The following MEIOSIN variants were observed in gnomAD, a reference collection of about 807,000 sequenced individuals.
MEIOSIN encodes meiosis initiator protein.
Under a neutral mutation model 23.4 loss-of-function variants are expected in MEIOSIN, and 18 were observed. The ratio of observed to expected loss-of-function variants is 0.77; its 90% CI spans 0.53 to 1.14. MEIOSIN has a LOEUF of 1.14. MEIOSIN is among the 50% of genes most tolerant of loss of function. The pLI is 0.00. For missense variants in MEIOSIN, 428 were observed against 242.9 expected (o/e 1.76, Z -5.07); for synonymous variants, 187 against 100.6 (o/e 1.86, Z -5.14).
At chr19:45,750,365 T>TCTTTC (rs201503492) in intron 4 of MEIOSIN, among the ~76,000 whole-genome samples, 1 of 141,872 alleles carries the variant, frequency 7.0e-6, no homozygotes, top group Non-Finnish European at 1.5e-5. Flanking sequence ...TTTTTCTTTT[T>TCTTTC]TTTTTTTTTT....
At chr19:45,757,755 C>G (rs963014181) in intron 9 of MEIOSIN, among the ~76,000 whole-genome samples, 1 of 151,794 alleles carries the variant, frequency 6.6e-6, no homozygotes, top group Non-Finnish European at 1.5e-5. Flanking sequence ...TCCTGACCTA[C>G]GGTGATCTGC....
At chr19:45,736,503 C>T (rs1026116962) in intron 2 of MEIOSIN, among the ~76,000 whole-genome samples, 12 of 152,180 alleles carry the variant, frequency 7.9e-5, no homozygotes, top group Admixed American at 1.3e-4. Context: ...GCTGGGATTA[C>T]AGGTGCCCAC....
chr19:45,745,266 A>G lies in MEIOSIN; in HGVS notation c.251A>G (p.Glu84Gly). Reference protein sequence around the residue: ...QRKNHTSKLQELALLLPIALK... With the variant: ...QRKNHTSKLQGLALLLPIALK... ...AAAAACCACACTAGCAAGCTGCAAG[A>G]GTTGGCACTGCTGCTGCCCATAGCC... Residue 84 changes from glutamate (E) to glycine (G), a missense_variant, in exon 4 of 15, where the codon GAG becomes GGG. Transcript: ENST00000457052. The G allele has an allele frequency of 1.4e-6, 1 of 703,026 alleles. No individual in the cohort carries two copies. Among genetic ancestry groups the G allele is most frequent in the Non-Finnish European group, 2.6e-6 (1 of 385,012 alleles). The allele number at this position is 703,026 out of a possible 1,614,324, so 43.5% of individuals were successfully genotyped here.
At chr19:45,756,251 C>T (rs1312828592) in intron 8 of MEIOSIN, among the ~76,000 whole-genome samples, 173 bp downstream of exon 8, 1 of 152,220 alleles carries the variant, frequency 6.6e-6, no homozygotes, top group African/African-American at 2.4e-5. Flanking sequence ...CCTGACTTCC[C>T]ATTTCCCAGA....
chr19:45,741,556 A>G (rs901869596), intron 3 of MEIOSIN, among the ~76,000 whole-genome samples: 1 of 152,154 alleles, frequency 6.6e-6, no homozygotes, highest in African/African-American at 2.4e-5. Context: ...GCAATAAATA[A>G]GACAAAAATT....
chr19:45,754,650 G>A lies in MEIOSIN; in HGVS notation c.728G>A (p.Gly243Asp). 2 of 703,088 alleles carry A rather than the reference G, an allele frequency of 2.8e-6. No homozygotes were observed. The highest frequency in any genetic ancestry group is 4.6e-4 in the Middle Eastern group (2 of 4,370). The allele number at this position is 703,088 out of a possible 1,614,324, so 43.6% of individuals were successfully genotyped here. ...AGGCCTGCATCATCCTCACCTCCAGGTGACAGAAAAGGAGGACAGTCCCAG... is the reference window on the plus strand; with the variant it reads ...AGGCCTGCATCATCCTCACCTCCAGATGACAGAAAAGGAGGACAGTCCCAG... ...HPRPASSSPP[G>D]DRKGGQSQLT... The change falls in exon 7 of 15, where the codon GGT becomes GAT. Residue 243 changes from glycine to aspartate, a missense_variant. Transcript: ENST00000457052.
intron 4 of MEIOSIN, among the ~76,000 whole-genome samples, chr19:45,749,671 C>CAAAAA (rs71175219): frequency 1.6e-3 from 54 of 33,824 alleles, no homozygotes; most frequent in Admixed American, 2.1e-3. Context: ...GATTCTGTCT[C>CAAAAA]AAAAAAAAAA....
In MEIOSIN at chr19:45,761,663, C is replaced by T. The variant is rs1167890291; in HGVS notation, c.1246-16C>T. The stretch of plus-strand genomic sequence containing the variant: ...ACTTGTCTCCCCTCCCATCTTTCTC[C>T]CTCATCATGCCCCAGGACACAGCCT... On this transcript the variant is annotated splice_polypyrimidine_tract_variant and intron_variant, in intron 11 of 14. Transcript: ENST00000457052. 1.4e-6 allele frequency: 1 copy of T among 700,502 alleles called. No homozygotes were observed. Among genetic ancestry groups the T allele is most frequent in the Non-Finnish European group, 2.6e-6 (1 of 383,636 alleles). 43.4% of individuals were successfully genotyped at this position (700,502 alleles called of 1,614,324 possible).
At chr19:45,749,149 T>C (rs975425290) in intron 4 of MEIOSIN, among the ~76,000 whole-genome samples, 11 of 150,860 alleles carry the variant, frequency 7.3e-5, no homozygotes, top group African/African-American at 2.7e-4. Context: ...GGCGGGTGGA[T>C]CACTTGAGCC....
In MEIOSIN at chr19:45,761,990, G is replaced by C. The variant is rs909682482; in HGVS notation, c.1486G>C (p.Asp496His). 1.0e-4 allele frequency: 54 copies of C among 541,660 alleles called. No homozygotes were observed. The East Asian group carries it at 1.6e-3, about 16-fold the overall frequency. 33.6% of individuals were successfully genotyped at this position (541,660 alleles called of 1,614,324 possible). The change falls in exon 13 of 15, where the codon GAC (aspartate) becomes CAC (histidine). Residue 496 changes from aspartate to histidine, a missense_variant. By Grantham distance (81) the Asp-to-His change is moderately conservative (BLOSUM62 -1). Transcript: ENST00000457052. ...GTPGSSEEDE[D>H]TTWTPTRLAS... Reference sequence around the variant, plus strand: ...GCCGGGCTCCAGCGAAGAGGACGAAGACACCACATGGACCCCCACCCGGCT... The same window carrying C: ...GCCGGGCTCCAGCGAAGAGGACGAACACACCACATGGACCCCCACCCGGCT...
chr19:45,753,605 C>G, intron 5 of MEIOSIN, 46 bp from the exon 6 acceptor site: 1 of 674,164 alleles, frequency 1.5e-6, no homozygotes, highest in Non-Finnish European at 2.7e-6. Flanking sequence ...CAGTTGGATG[C>G]AGATGGGGTG....
At chr19:45,763,619 G>T (rs897245092) in intron 14 of MEIOSIN, among the ~76,000 whole-genome samples, 192 bp downstream of exon 14, 3 of 152,140 alleles carry the variant, frequency 2.0e-5, no homozygotes, top group African/African-American at 7.2e-5. Flanking sequence ...CTAAGCTGGG[G>T]AACAGCTGAG....
intron 7 of MEIOSIN, among the ~76,000 whole-genome samples, chr19:45,755,604 A>C (rs573083910): frequency 6.6e-6 from 1 of 152,032 alleles, no homozygotes; most frequent in African/African-American, 2.4e-5. Context: ...GCCCGCACCC[A>C]TGCCCGGCTA....
In MEIOSIN at chr19:45,739,631, T is replaced by C. The variant is rs758206417; in HGVS notation, c.77T>C (p.Leu26Ser). The change falls in exon 3 of 15, where the codon TTG (leucine) becomes TCG (serine). Residue 26 changes from leucine to serine, a missense_variant. By Grantham distance (145) the Leu-to-Ser change is moderately radical. Transcript: ENST00000457052. ...ANSLGPSDRT[L>S]VLCSLVEGED... ...ACTGTGACTATTCTTGGCAGGACCTTGGTTTTGTGCTCCCTAGTGGAAGGG... is the reference window on the plus strand; with the variant it reads ...ACTGTGACTATTCTTGGCAGGACCTCGGTTTTGTGCTCCCTAGTGGAAGGG... 8.5e-6 allele frequency: 6 copies of C among 703,096 alleles called. No homozygotes were observed. In the South Asian group the frequency reaches 8.9e-5, roughly 10 times the overall value. 43.6% of individuals were successfully genotyped at this position (703,096 alleles called of 1,614,324 possible). A position where few individuals can be genotyped will look rare whatever the true frequency, so the allele number is the denominator to read the frequency against.
intron 4 of MEIOSIN, among the ~76,000 whole-genome samples, chr19:45,749,694 G>T (rs1413000143): frequency 2.6e-5 from 2 of 78,366 alleles, no homozygotes; most frequent in Admixed American, 2.8e-4. Context: ...AAAAAAAAGC[G>T]CAAAAAAAAA....
Position 45,754,605 on chromosome 19 carries a change from C to G in MEIOSIN, c.683C>G (p.Pro228Arg). Residue 228 changes from proline to arginine, a missense_variant, in exon 7 of 15, where the codon CCT becomes CGT. Pro to Arg is a moderately radical substitution (Grantham distance 103). Coordinates refer to ENST00000457052, the MANE Select transcript of MEIOSIN (RefSeq NM_001310124.2). ...GGGACCACTACCCCTCCAAGGTGCC[C>G]TGACTCCTGCGGTCACCCGAGGCCT... ...TGGTTTPPRC[P>R]DSCGHPRPAS... The G allele has an allele frequency of 1.4e-6, 1 of 703,086 alleles. No individual in the cohort carries two copies. The highest frequency in any genetic ancestry group is 2.6e-6 in the Non-Finnish European group (1 of 385,028). 43.6% of individuals were successfully genotyped at this position (703,086 alleles called of 1,614,324 possible).
At position 45,739,641 on chromosome 19, in the gene MEIOSIN, C is replaced by T. The variant is rs1458709337; in HGVS notation, c.87C>T (p.Cys29=). Residue 29 remains cysteine, a synonymous_variant, in exon 3 of 15, where the codon TGC becomes TGT. Transcript: ENST00000457052. The part of the protein sequence containing the change: ...LGPSDRTLVL[C]SLVEGEDKVN... ...TTCTTGGCAGGACCTTGGTTTTGTG[C>T]TCCCTAGTGGAAGGGGAAGATAAGG... 1.4e-6 allele frequency: 1 copy of T among 703,144 alleles called. No homozygotes were observed. Among genetic ancestry groups the T allele is most frequent in the Admixed American group, 2.0e-5 (1 of 49,992 alleles). The allele number at this position is 703,144 out of a possible 1,614,324, so 43.6% of individuals were successfully genotyped here. A position where few individuals can be genotyped will look rare whatever the true frequency, so the allele number is the denominator to read the frequency against.
At chr19:45,746,341 C>A (rs750790040) in intron 4 of MEIOSIN, among the ~76,000 whole-genome samples, 16 of 152,164 alleles carry the variant, frequency 1.1e-4, no homozygotes, top group African/African-American at 4.8e-5. Flanking sequence ...TGTTTCCTTT[C>A]TTTTTGCCAA....
intron 9 of MEIOSIN, among the ~76,000 whole-genome samples, chr19:45,758,325 A>G (rs1968872488): frequency 6.6e-6 from 1 of 152,016 alleles, no homozygotes; most frequent in Non-Finnish European, 1.5e-5. Context: ...AGCTGCAGGT[A>G]GTTATAATCA....
Sources: allele counts gnomAD v4.1 joint callset (sites outside exome capture counted in the v4.1 genomes callset), GRCh38; gene constraint gnomAD v4.1.1; transcripts MANE v1.5; gene names NCBI Gene and HGNC (gene_info 2026-07-23, HGNC 2026-07-21).